Variants in ACACA observed in about 807,000 individuals in gnomAD.
ACACA encodes acetyl-CoA carboxylase alpha.
A neutral mutation model predicts 296.1 loss-of-function variants in ACACA; 103 were observed. The observed-to-expected ratio is 0.35, with a 90% CI of 0.30 to 0.41. The LOEUF is 0.41. Among genes scored for constraint, ACACA ranks in the 10% least tolerant of loss-of-function variants. ACACA has a pLI of 1.00. For missense variants in ACACA, 1,554 were observed against 2,989.7 expected, an observed-to-expected ratio of 0.52 and a Z score of 11.20; for synonymous variants, 953 against 1,038.6, an observed-to-expected ratio of 0.92 and a Z score of 1.58.
At chr17:37,369,077 T>C (rs1362852091) in intron 1 of ACACA, among the ~76,000 whole-genome samples, 1 of 152,220 alleles carries the variant, frequency 6.6e-6, no homozygotes, top group African/African-American at 2.4e-5. Context: ...TAAATTGTGA[T>C]ACATTCATAC....
intron 38 of ACACA, among the ~76,000 whole-genome samples, chr17:37,189,603 T>G (rs1008045550): frequency 6.6e-6 from 1 of 152,082 alleles, no homozygotes; most frequent in African/African-American, 2.4e-5. Flanking sequence ...GTGGTTAGAA[T>G]GAAAGCAGAG....
intron 3 of ACACA, among the ~76,000 whole-genome samples, chr17:37,314,955 T>TC (rs1361570583): frequency 7.3e-6 from 1 of 136,728 alleles, no homozygotes; most frequent in Non-Finnish European, 1.6e-5. Context: ...GAATGCTTTT[T>TC]TTTTTTTTTT....
chr17:37,295,546 T>G (rs2083286050), intron 3 of ACACA, among the ~76,000 whole-genome samples: 1 of 152,004 alleles, frequency 6.6e-6, no homozygotes, highest in Non-Finnish European at 1.5e-5. Context: ...TCCAGCACTT[T>G]GGGAGGTAAA....
Position 37,314,662 on chromosome 17 carries a change from T to C in ACACA, c.338+15511A>G, listed in dbSNP as rs564039481. Among the ~76,000 whole-genome samples the C allele has an allele frequency of 2.8e-3, 387 of 139,328 alleles. 1 individual carries two copies. Among genetic ancestry groups the C allele is most frequent in the Non-Finnish European group, 4.7e-3 (308 of 65,210 alleles). 91.4% of individuals were successfully genotyped at this position (139,328 alleles called of 152,430 possible). A position where few individuals can be genotyped will look rare whatever the true frequency, so the allele number is the denominator to read the frequency against. ...TTTTTTTTTTTTTTTTTTTTTGAGA[T>C]GGTATCTCACTCTGTCAACCAGGCT... On this transcript the variant is annotated intron_variant, in intron 3 of 55. Transcript: ENST00000616317.
Position 37,224,981 on chromosome 17 carries a change from TA to T in ACACA, c.3474+10del. 7.8e-7 allele frequency: 1 copy of T among 1,286,812 alleles called. No individual in the cohort carries two copies. Among genetic ancestry groups the T allele is most frequent in the Non-Finnish European group, 1.1e-6 (1 of 892,786 alleles). 79.7% of individuals were successfully genotyped at this position (1,286,812 alleles called of 1,614,324 possible). On this transcript the variant is annotated intron_variant, in intron 27 of 55. Coordinates refer to ENST00000616317, the MANE Select transcript of ACACA (RefSeq NM_198834.3). The stretch of plus-strand genomic sequence containing the variant: ...CAGGAAAGGGTTATATATATATATA[TA>T]TATATATACCTGCAGGTTCTCAATG...
intron 38 of ACACA, among the ~76,000 whole-genome samples, 155 bp from the exon 39 acceptor site, chr17:37,188,635 C>T (rs2077629128): frequency 6.6e-6 from 1 of 152,080 alleles, no homozygotes; most frequent in Non-Finnish European, 1.5e-5. Flanking sequence ...TAGTTTCTCC[C>T]CAAACTATTC....
At chr17:37,123,929 GAAC>G (rs1875113886) in intron 48 of ACACA, among the ~76,000 whole-genome samples, 1 of 152,108 alleles carries the variant, frequency 6.6e-6, no homozygotes, top group Non-Finnish European at 1.5e-5. Flanking sequence ...AAACAGCTCA[GAAC>G]AACTTCTGTT....
chr17:37,223,403 G>A, intron 28 of ACACA, 109 bp downstream of exon 28: 1 of 898,710 alleles, frequency 1.1e-6, no homozygotes, highest in Non-Finnish European at 1.9e-6. Context: ...CTACCCTTAA[G>A]AACCAACCTT....
chr17:37,331,042 C>G (rs1351035799), intron 2 of ACACA, among the ~76,000 whole-genome samples: 1 of 152,114 alleles, frequency 6.6e-6, no homozygotes, highest in East Asian at 1.9e-4. Context: ...TCCCCAGTAG[C>G]TGGGACTATA....
chr17:37,167,961 T>C (rs188007134), intron 41 of ACACA, among the ~76,000 whole-genome samples: 6 of 152,250 alleles, frequency 3.9e-5, no homozygotes, highest in Admixed American at 3.3e-4. Flanking sequence ...AGACTATGAA[T>C]AGCATTTAAA....
chr17:37,158,159 T>C (rs930219932), intron 42 of ACACA, among the ~76,000 whole-genome samples: 11 of 152,246 alleles, frequency 7.2e-5, no homozygotes, highest in African/African-American at 2.7e-4. Flanking sequence ...GTACCATCTG[T>C]TGAGACAGAA....
intron 25 of ACACA, among the ~76,000 whole-genome samples, chr17:37,229,957 C>T (rs542940983): frequency 1.3e-5 from 2 of 151,972 alleles, no homozygotes; most frequent in East Asian, 3.9e-4. Flanking sequence ...ATCCCAGCTA[C>T]TTGGGAGGCT....
At position 37,087,198 on chromosome 17, in the gene ACACA, T is replaced by C. The variant is rs1385952609; in HGVS notation, c.*118A>G. 7.1e-7 allele frequency: 1 copy of C among 1,414,932 alleles called. No homozygotes were observed. Among genetic ancestry groups the C allele is most frequent in the South Asian group, 1.2e-5 (1 of 84,516 alleles). The allele number at this position is 1,414,932 out of a possible 1,614,324, so 87.6% of individuals were successfully genotyped here. A position where few individuals can be genotyped will look rare whatever the true frequency, so the allele number is the denominator to read the frequency against. On this transcript the variant is annotated 3_prime_UTR_variant, in exon 56 of 56. Coordinates refer to ENST00000616317, the MANE Select transcript of ACACA (RefSeq NM_198834.3). ...TAACCTGAAACGAGAGGAAGTAAAATGCCATTTGACTCCAGTGCTGGGTCT... is the reference window on the plus strand; with the variant it reads ...TAACCTGAAACGAGAGGAAGTAAAACGCCATTTGACTCCAGTGCTGGGTCT...
intron 2 of ACACA, among the ~76,000 whole-genome samples, chr17:37,336,838 A>C (rs2048140996): frequency 1.3e-5 from 2 of 152,232 alleles, no homozygotes; most frequent in Non-Finnish European, 2.9e-5. Flanking sequence ...CCTTGACATC[A>C]GATGAGAAAC....
chr17:37,162,145 C>T lies in ACACA; in HGVS notation c.5080-95G>A, dbSNP rs369970039. ...GGTATCAGAGTATACCTAGGCACAG[C>T]CATTATGTAAAGATACACATTGCTA... On this transcript the variant is annotated intron_variant, in intron 41 of 55. Coordinates refer to ENST00000616317, the MANE Select transcript of ACACA (RefSeq NM_198834.3). 6.6e-6 allele frequency: 9 copies of T among 1,357,724 alleles called. No homozygotes were observed. In the African/African-American group the frequency reaches 8.6e-5, roughly 13 times the overall value. 84.1% of individuals were successfully genotyped at this position (1,357,724 alleles called of 1,614,324 possible).
At chr17:37,302,829 C>A (rs1223319541) in intron 3 of ACACA, among the ~76,000 whole-genome samples, 1 of 152,124 alleles carries the variant, frequency 6.6e-6, no homozygotes, top group Admixed American at 6.6e-5. Context: ...TTTTTGTTAA[C>A]AATTTTACTG....
At chr17:37,195,398 C>G (rs2077948725) in intron 35 of ACACA, among the ~76,000 whole-genome samples, 1 of 152,064 alleles carries the variant, frequency 6.6e-6, no homozygotes, top group Non-Finnish European at 1.5e-5. Context: ...AATGGAAATG[C>G]CTTTAATACA....
intron 3 of ACACA, among the ~76,000 whole-genome samples, chr17:37,322,421 T>C (rs989508662): frequency 4.0e-5 from 6 of 151,838 alleles, no homozygotes; most frequent in Non-Finnish European, 5.9e-5. Context: ...TGAGAGAAAA[T>C]TGAGATCAAG....
At chr17:37,174,020 A>ATTTTTTTTTTTTTTTT (rs71159693) in intron 41 of ACACA, among the ~76,000 whole-genome samples, 1 of 16,794 alleles carries the variant, frequency 6.0e-5, no homozygotes, top group African/African-American at 2.6e-4. Flanking sequence ...ATATATATAT[A>ATTTTTTTTTTTTTTTT]TTTTTTTTTT....
Sources: allele counts gnomAD v4.1 joint callset (sites outside exome capture counted in the v4.1 genomes callset), GRCh38; gene constraint gnomAD v4.1.1; transcripts MANE v1.5; gene names NCBI Gene and HGNC (gene_info 2026-07-23, HGNC 2026-07-21).